The following LRRFIP2 variants were observed in gnomAD, a reference collection of about 807,000 sequenced individuals.
LRRFIP2 encodes the protein leucine-rich repeat flightless-interacting protein 2.
In LRRFIP2, 109 loss-of-function variants were observed where a neutral mutation model predicts 125.9. The ratio of observed to expected loss-of-function variants is 0.87; its 90% CI spans 0.74 to 1.01. LRRFIP2 has a LOEUF of 1.01. LRRFIP2 is among the 50% of genes least tolerant of loss of function. LRRFIP2 has a pLI of 0.00. For synonymous variants in LRRFIP2, 291 were observed against 293.1 expected, an observed-to-expected ratio of 0.99 and a Z score of 0.07; for missense variants, 850 against 862.3, an observed-to-expected ratio of 0.99 and a Z score of 0.18.
At chr3:37,112,430 G>A (rs1291426585) in intron 8 of LRRFIP2, among the ~76,000 whole-genome samples, 1 of 152,120 alleles carries the variant, frequency 6.6e-6, no homozygotes, top group Non-Finnish European at 1.5e-5. Flanking sequence ...TAATTCTGCA[G>A]TTTAATTACA....
At chr3:37,116,282 G>A (rs1031566498) in intron 6 of LRRFIP2, among the ~76,000 whole-genome samples, 18 of 149,872 alleles carry the variant, frequency 1.2e-4, no homozygotes, top group African/African-American at 4.4e-4. Context: ...ACAGGAACAT[G>A]CCACCATACT....
At chr3:37,127,728 A>G (rs1053398836) in intron 3 of LRRFIP2, 48 bp from the exon 4 acceptor site, 1 of 1,446,818 alleles carries the variant, frequency 6.9e-7, no homozygotes, top group Non-Finnish European at 9.7e-7. Flanking sequence ...AACATATTGC[A>G]TTCTCCAAAA....
chr3:37,059,179 A>G (rs1247281671), intron 24 of LRRFIP2, among the ~76,000 whole-genome samples: 1 of 152,170 alleles, frequency 6.6e-6, no homozygotes, highest in Non-Finnish European at 1.5e-5. Context: ...CTTATGGAAC[A>G]GTACATCTTT....
At chr3:37,055,209 T>C (rs915653531) in intron 25 of LRRFIP2, 44 bp from the exon 26 acceptor site, 13 of 1,211,000 alleles carry the variant, frequency 1.1e-5, no homozygotes, top group Non-Finnish European at 1.4e-5. Context: ...CTGTCAGAGA[T>C]GACAGTATGA....
At chr3:37,113,268 G>A (rs529220477) in intron 7 of LRRFIP2, among the ~76,000 whole-genome samples, 1 of 152,138 alleles carries the variant, frequency 6.6e-6, no homozygotes, top group Non-Finnish European at 1.5e-5. Flanking sequence ...CAGAATATTT[G>A]TGGAGACCTT....
chr3:37,138,800 G>A (rs926569439), intron 2 of LRRFIP2, among the ~76,000 whole-genome samples: 1 of 152,196 alleles, frequency 6.6e-6, no homozygotes, highest in Non-Finnish European at 1.5e-5. Flanking sequence ...AATAGAAGAT[G>A]TGTTCATACC....
chr3:37,125,589 T>C (rs2095243751), intron 4 of LRRFIP2, among the ~76,000 whole-genome samples: 1 of 152,180 alleles, frequency 6.6e-6, no homozygotes, highest in Admixed American at 6.5e-5. Context: ...TAATGTGAAA[T>C]AAAAACCTAT....
upstream of LRRFIP2, chr3:37,175,069 A>C (rs1417762699): frequency 6.6e-6 from 1 of 152,240 alleles, no homozygotes; most frequent in African/African-American, 2.4e-5. Flanking sequence ...TTCTCCAATA[A>C]CTGCACTTTT....
chr3:37,166,269 G>A (rs1360385024), intron 1 of LRRFIP2, among the ~76,000 whole-genome samples: 1 of 152,062 alleles, frequency 6.6e-6, no homozygotes, highest in Non-Finnish European at 1.5e-5. Context: ...GGCGGAGGTT[G>A]CAGTGAGCCG....
At chr3:37,093,384 C>T (rs796535959) in intron 17 of LRRFIP2, 23 of 152,624 alleles carry the variant, frequency 1.5e-4, no homozygotes, top group African/African-American at 4.6e-4. Flanking sequence ...TCTCTCCTTC[C>T]TCAACCTTCC....
At chr3:37,100,359 T>TAC (rs1279334723) in intron 15 of LRRFIP2, among the ~76,000 whole-genome samples, 5 of 145,354 alleles carry the variant, frequency 3.4e-5, no homozygotes, top group African/African-American at 8.3e-5. Context: ...CGTATATATA[T>TAC]ACACATACAT....
chr3:37,159,632 G>A lies in LRRFIP2; in HGVS notation c.-55-10594C>T, dbSNP rs529845107. Among the ~76,000 whole-genome samples the A allele has an allele frequency of 2.6e-5, 4 of 151,940 alleles. No homozygotes were observed. In the East Asian group the frequency reaches 7.8e-4, roughly 30 times the overall value. The stretch of plus-strand genomic sequence containing the variant: ...AGCAATTCTCCTACCTCAGCCTCCT[G>A]AATACCTGGGATTACAGGCATGTGC... On this transcript the variant is annotated intron_variant, in intron 1 of 27. Transcript: ENST00000336686.
At chr3:37,166,655 G>A (rs2096495720) in intron 1 of LRRFIP2, among the ~76,000 whole-genome samples, 1 of 151,640 alleles carries the variant, frequency 6.6e-6, no homozygotes, top group Non-Finnish European at 1.5e-5. Context: ...CCCAGGAGTT[G>A]GAGACCAGCC....
intron 4 of LRRFIP2, among the ~76,000 whole-genome samples, chr3:37,124,573 C>G (rs1051752239): frequency 2.0e-5 from 3 of 152,122 alleles, no homozygotes; most frequent in Admixed American, 6.5e-5. Context: ...TAGAGATCAT[C>G]TAGTCTGACC....
rs1367056982 is a variant in LRRFIP2 at position 37,053,448 on chromosome 3, TGGA to T, written c.*400_*402del. The T allele has an allele frequency of 3.5e-5, 6 of 173,912 alleles. No individual in the cohort carries two copies. In the South Asian group the frequency reaches 8.0e-4, roughly 23 times the overall value. 10.8% of individuals were successfully genotyped at this position (173,912 alleles called of 1,614,324 possible). A position where few individuals can be genotyped will look rare whatever the true frequency, so the allele number is the denominator to read the frequency against. On this transcript the variant is annotated 3_prime_UTR_variant, in exon 28 of 28. Transcript: ENST00000336686. The stretch of plus-strand genomic sequence containing the variant: ...GATCACTGAAGTCTGAATTGCACCG[TGGA>T]GAAGGCACTTGTGTTTTCTGAGGTC...
intron 7 of LRRFIP2, among the ~76,000 whole-genome samples, chr3:37,113,436 A>G (rs79712964): frequency 0.037 from 5,562 of 152,256 alleles, 111 homozygotes; most frequent in African/African-American, 0.042. Context: ...AGGTAGGACC[A>G]CAGGCATGTA....
Position 37,065,695 on chromosome 3 carries a change from A to T in LRRFIP2, c.1699+115T>A, listed in dbSNP as rs1407574020. 5 of 1,275,330 alleles carry T rather than the reference A, an allele frequency of 3.9e-6. No homozygotes were observed. In the African/African-American group the frequency reaches 5.8e-5, roughly 15 times the overall value. The allele number at this position is 1,275,330 out of a possible 1,614,324, so 79.0% of individuals were successfully genotyped here. ...TGTGCCCAGATTCTTCTAGTTAAGG[A>T]TCTACTTGAGTCTCAGCCCTTATGC... On this transcript the variant is annotated intron_variant, in intron 23 of 27. Coordinates refer to ENST00000336686, the MANE Select transcript of LRRFIP2 (RefSeq NM_006309.4).
rs1575934973 is a variant in LRRFIP2 at position 37,066,096 on chromosome 3, T to TA, written c.1566+127dup. 7.6e-6 allele frequency: 10 copies of TA among 1,317,354 alleles called. No individual in the cohort carries two copies. The East Asian group carries it at 2.3e-4, about 30-fold the overall frequency. 81.6% of individuals were successfully genotyped at this position (1,317,354 alleles called of 1,614,324 possible). On this transcript the variant is annotated intron_variant, in intron 22 of 27. Transcript: ENST00000336686. ...CTCTGTGTAAGAAATAGCTTCAACC[T>TA]ACCAAATCTGGATTAGAGAATAAAC...
intron 17 of LRRFIP2, among the ~76,000 whole-genome samples, chr3:37,092,266 G>A (rs982222627): frequency 6.6e-5 from 10 of 152,268 alleles, no homozygotes; most frequent in Admixed American, 3.3e-4. Flanking sequence ...TATTCTGAAT[G>A]CTCGATTTAT....
Sources: allele counts gnomAD v4.1 joint callset (sites outside exome capture counted in the v4.1 genomes callset), GRCh38; gene constraint gnomAD v4.1.1; transcripts MANE v1.5; gene names NCBI Gene and HGNC (gene_info 2026-07-23, HGNC 2026-07-21).